Variants in DOCK9 observed in about 807,000 individuals in gnomAD.
DOCK9 encodes dedicator of cytokinesis protein 9.
Under a neutral mutation model 263.3 loss-of-function variants are expected in DOCK9, and 89 were observed. That is an observed-to-expected ratio of 0.34 (90% CI 0.28 to 0.40). The LOEUF (loss-of-function observed/expected upper bound fraction) is 0.40. DOCK9 is among the 10% of genes least tolerant of loss of function. The pLI, the probability that DOCK9 is intolerant of heterozygous loss-of-function variation, is 1.00. For synonymous variants in DOCK9, 976 were observed against 973.1 expected (o/e 1.00, Z -0.06); for missense variants, 2,140 against 2,603.4 (o/e 0.82, Z 3.87).
intron 15 of DOCK9, among the ~76,000 whole-genome samples, chr13:98,892,941 G>A (rs2046847681): frequency 6.6e-6 from 1 of 152,172 alleles, no homozygotes; most frequent in Non-Finnish European, 1.5e-5. Context: ...CCAAGTAACC[G>A]CCTCCAGGAC....
At chr13:98,856,268 T>G (rs1357820337) in intron 33 of DOCK9, 1 of 401,342 alleles carries the variant, frequency 2.5e-6, no homozygotes, top group Non-Finnish European at 4.5e-6. Flanking sequence ...GAAACCACCT[T>G]TGATCGCTAA....
chr13:98,841,170 CAA>C (rs961044759), intron 38 of DOCK9, among the ~76,000 whole-genome samples: 2 of 151,758 alleles, frequency 1.3e-5, no homozygotes, highest in African/African-American at 4.8e-5. Flanking sequence ...GATCCACAGA[CAA>C]AAAAAACAAA....
At chr13:99,021,052 A>T (rs991440083) in intron 1 of DOCK9, among the ~76,000 whole-genome samples, 39 of 152,256 alleles carry the variant, frequency 2.6e-4, no homozygotes, top group African/African-American at 9.2e-4. Flanking sequence ...TCTGCTGAGC[A>T]AAGAAATGTT....
chr13:99,008,231 T>TAC (rs1223973059), intron 1 of DOCK9, among the ~76,000 whole-genome samples: 74 of 113,352 alleles, frequency 6.5e-4, no homozygotes, highest in Non-Finnish European at 4.8e-4. Context: ...TATATATATA[T>TAC]ATATTTTTTT....
intron 10 of DOCK9, 53 bp downstream of exon 10, chr13:98,904,579 G>T: frequency 7.6e-6 from 10 of 1,321,344 alleles, no homozygotes; most frequent in African/African-American, 1.5e-5. Flanking sequence ...GCCCATCGAT[G>T]ATTTTCTCTC....
chr13:99,065,578 C>T lies in DOCK9; in HGVS notation c.129+20645G>A, dbSNP rs558131164. 2.8e-4 allele frequency among the ~76,000 whole-genome samples: 43 copies of T among 152,278 alleles called. 1 individual carries two copies. The South Asian group carries it at 7.3e-3, about 26-fold the overall frequency. On this transcript the variant is annotated intron_variant, in intron 1 of 32. Coordinates refer to the DOCK9 transcript ENST00000427887. ...AACTACTCACTGTTTCCCAAGTACA[C>T]GCCATGATTTCCTTCCTCAAGGCCT...
chr13:98,918,472 CAAAA>C (rs1322492568), intron 7 of DOCK9, among the ~76,000 whole-genome samples: 1 of 151,642 alleles, frequency 6.6e-6, no homozygotes, highest in Admixed American at 6.6e-5. Context: ...TATAACTTAA[CAAAA>C]AAGCTTACCA....
intron 1 of DOCK9, among the ~76,000 whole-genome samples, chr13:99,032,526 G>A (rs1210725628): frequency 2.0e-5 from 3 of 150,404 alleles, no homozygotes; most frequent in East Asian, 3.9e-4. Flanking sequence ...TCAAATATAC[G>A]CACCCCTAAA....
intron 32 of DOCK9, among the ~76,000 whole-genome samples, chr13:98,861,238 T>G (rs868325968): frequency 6.6e-6 from 1 of 152,198 alleles, no homozygotes; most frequent in Admixed American, 6.5e-5. Flanking sequence ...ACAAACGCTA[T>G]ACACACGGCT....
Position 99,008,232 on chromosome 13 carries a change from A to AT in DOCK9, c.130-52682dup, listed in dbSNP as rs1403824024. 7.3e-3 allele frequency among the ~76,000 whole-genome samples: 758 copies of AT among 103,300 alleles called. 5 individuals are homozygous for AT. The highest frequency in any genetic ancestry group is 0.019 in the African/African-American group (525 of 27,172). 67.8% of individuals were successfully genotyped at this position (103,300 alleles called of 152,430 possible). On this transcript the variant is annotated intron_variant, in intron 1 of 32. Coordinates refer to the DOCK9 transcript ENST00000427887. Reference sequence around the variant, plus strand: ...TCTCTCTATATATATATATATATATATATTTTTTTTTTTTTTTGAGACGAA... The same window carrying AT: ...TCTCTCTATATATATATATATATATATTATTTTTTTTTTTTTTTGAGACGAA...
At chr13:99,025,596 G>A (rs541077640) in intron 1 of DOCK9, among the ~76,000 whole-genome samples, 26 of 152,312 alleles carry the variant, frequency 1.7e-4, no homozygotes, top group African/African-American at 6.3e-4. Flanking sequence ...CTCGCACACT[G>A]CTGCTGGGAA....
intron 18 of DOCK9, among the ~76,000 whole-genome samples, chr13:98,887,141 ATATTTTTTTT>A (rs1383770591): frequency 5.7e-4 from 34 of 59,638 alleles, no homozygotes; most frequent in African/African-American, 1.7e-3. Context: ...ATATATATAT[ATATTTTTTTT>A]TTTTTTTTTT....
chr13:99,034,680 G>C (rs919499706), intron 1 of DOCK9, among the ~76,000 whole-genome samples: 4 of 152,188 alleles, frequency 2.6e-5, no homozygotes, highest in African/African-American at 7.2e-5. Flanking sequence ...ACCTGAGTAG[G>C]CTCCAATTTA....
At chr13:98,843,048 G>A (rs201427464) in intron 38 of DOCK9, among the ~76,000 whole-genome samples, 1 of 152,162 alleles carries the variant, frequency 6.6e-6, no homozygotes, top group Non-Finnish European at 1.5e-5. Context: ...AAAGGATTCC[G>A]TTTCCCATGG....
intron 2 of DOCK9, among the ~76,000 whole-genome samples, chr13:98,946,707 G>A (rs1567054455): frequency 6.6e-6 from 1 of 151,978 alleles, no homozygotes; most frequent in Non-Finnish European, 1.5e-5. Flanking sequence ...AAAACCTCCC[G>A]CAGACCTTGT....
Position 98,831,694 on chromosome 13 carries a change from C to T in DOCK9, c.4407G>A (p.Thr1469=), listed in dbSNP as rs1403298114. The T allele has an allele frequency of 1.4e-5, 22 of 1,613,814 alleles. No homozygotes were observed. Among genetic ancestry groups the T allele is most frequent in the African/African-American group, 6.7e-5 (5 of 75,002 alleles). Residue 1469 remains threonine, a synonymous_variant, in exon 40 of 53, where the codon ACG becomes ACA. Transcript: ENST00000682017. The stretch of plus-strand genomic sequence containing the variant: ...AGGCAGTGAAGACATTTTTTAAAGC[C>T]GTTTCAGACTGATGTTTTTGAAGAA... ...LCFLQKHQSE[T]ALKNVFTALR...
At chr13:98,916,526 G>A (rs1329038137) in intron 7 of DOCK9, among the ~76,000 whole-genome samples, 4 of 152,198 alleles carry the variant, frequency 2.6e-5, no homozygotes, top group South Asian at 2.1e-4. Flanking sequence ...TCAGGGACAG[G>A]GCAACCCTCC....
At position 98,793,981 on chromosome 13, in the gene DOCK9, A is replaced by T. The variant is rs1185053943; in HGVS notation, c.*645T>A. On this transcript the variant is annotated 3_prime_UTR_variant, in exon 53 of 53. Transcript: ENST00000682017. ...TGTACTACTTTGTACTTTTCAGCAT[A>T]GTTGCGGTTATTAATATAGGCCTTT... is the stretch of plus-strand genomic sequence containing the variant. 1.3e-5 allele frequency: 2 copies of T among 152,696 alleles called. No individual in the cohort carries two copies. The highest frequency in any genetic ancestry group is 4.8e-5 in the African/African-American group (2 of 41,472). 9.5% of individuals were successfully genotyped at this position (152,696 alleles called of 1,614,324 possible).
intron 27 of DOCK9, chr13:98,871,630 G>A (rs1377180123): frequency 6.6e-6 from 1 of 152,248 alleles, no homozygotes; most frequent in Non-Finnish European, 1.5e-5. Flanking sequence ...ATGATGCTCA[G>A]GTAGTGAGTA....
Sources: gnomAD v4.1 joint callset for allele counts (sites outside exome capture counted in the v4.1 genomes callset) on GRCh38, gnomAD v4.1.1 for gene constraint, MANE v1.5 for transcripts, NCBI Gene and HGNC (gene_info 2026-07-23, HGNC 2026-07-21) for gene names.